Variants in RBMS3 observed in about 807,000 individuals in gnomAD.
RBMS3 encodes RNA binding motif single stranded interacting protein 3, also known as RNA-binding motif, single-stranded-interacting protein 3.
Under a neutral mutation model 66.8 loss-of-function variants are expected in RBMS3, and 27 were observed. That is an observed-to-expected ratio of 0.40 (90% CI 0.30 to 0.56). The LOEUF is 0.56. Ranked by LOEUF, RBMS3 falls within the 20% of genes least tolerant of loss-of-function variation. RBMS3 has a pLI of 0.40. For synonymous variants in RBMS3, 188 were observed against 183.0 expected (o/e 1.03, Z -0.22); for missense variants, 513 against 549.5 (o/e 0.93, Z 0.66).
intron 1 of RBMS3, among the ~76,000 whole-genome samples, chr3:29,341,676 C>G (rs958798467): frequency 4.6e-5 from 7 of 152,122 alleles, no homozygotes; most frequent in Non-Finnish European, 7.4e-5. Flanking sequence ...CCCTAGACCT[C>G]CACTTGGCTT....
At chr3:29,321,729 C>T (rs2035016954) in intron 1 of RBMS3, among the ~76,000 whole-genome samples, 1 of 152,026 alleles carries the variant, frequency 6.6e-6, no homozygotes, top group Admixed American at 6.6e-5. Flanking sequence ...TAATAAATTA[C>T]AAGACCAAAA....
At chr3:29,831,351 C>A (rs1217512609) in intron 6 of RBMS3, among the ~76,000 whole-genome samples, 1 of 152,068 alleles carries the variant, frequency 6.6e-6, no homozygotes, top group African/African-American at 2.4e-5. Flanking sequence ...GTCATTGTCC[C>A]ACATGGTGGG....
intron 1 of RBMS3, among the ~76,000 whole-genome samples, chr3:29,317,237 G>A (rs1333321161): frequency 1.3e-5 from 2 of 151,752 alleles, no homozygotes; most frequent in African/African-American, 4.8e-5. Context: ...GGTAAACCAA[G>A]CTATGATAGA....
rs1284732260 is a variant in RBMS3 at position 30,004,145 on chromosome 3, G to C, written c.*283G>C. On this transcript the variant is annotated 3_prime_UTR_variant, in exon 15 of 15. Transcript: ENST00000383767. Reference sequence around the variant, plus strand: ...AAACTACAAAAAACAAAACATTGAAGGTTGATATTTTATGTGGAAGAACAT... The same window carrying C: ...AAACTACAAAAAACAAAACATTGAACGTTGATATTTTATGTGGAAGAACAT... 3.7e-6 allele frequency: 1 copy of C among 271,240 alleles called. No individual in the cohort carries two copies. The highest frequency in any genetic ancestry group is 6.8e-6 in the Non-Finnish European group (1 of 146,900). The allele number at this position is 271,240 out of a possible 1,614,324, so 16.8% of individuals were successfully genotyped here. A position where few individuals can be genotyped will look rare whatever the true frequency, so the allele number is the denominator to read the frequency against.
At chr3:29,844,622 T>A (rs1186677211) in intron 6 of RBMS3, among the ~76,000 whole-genome samples, 1 of 152,216 alleles carries the variant, frequency 6.6e-6, no homozygotes, top group Non-Finnish European at 1.5e-5. Context: ...TTAATGGGAC[T>A]GAACACAGTC....
At chr3:29,741,763 G>GGA (rs1559625443) in intron 5 of RBMS3, among the ~76,000 whole-genome samples, 2 of 152,164 alleles carry the variant, frequency 1.3e-5, no homozygotes, top group African/African-American at 4.8e-5. Flanking sequence ...GAGGCTAGAA[G>GGA]TCAGAGGTCA....
chr3:29,996,239 C>A (rs1319322892), intron 14 of RBMS3, among the ~76,000 whole-genome samples: 8 of 151,584 alleles, frequency 5.3e-5, no homozygotes, highest in African/African-American at 1.9e-4. Flanking sequence ...ATATATGCAC[C>A]CAATACAGGA....
At chr3:29,466,311 C>G (rs186767386) in intron 2 of RBMS3, among the ~76,000 whole-genome samples, 2 of 152,166 alleles carry the variant, frequency 1.3e-5, no homozygotes, top group Admixed American at 6.5e-5. Context: ...CTATGAAAAG[C>G]AGGGTTCAGC....
chr3:29,462,235 C>A (rs1016674027), intron 2 of RBMS3, among the ~76,000 whole-genome samples: 1 of 152,170 alleles, frequency 6.6e-6, no homozygotes, highest in Non-Finnish European at 1.5e-5. Context: ...AATCTAATTT[C>A]TCTACAGACC....
At chr3:29,895,852 G>A (rs2149600394) in intron 8 of RBMS3, among the ~76,000 whole-genome samples, 1 of 151,156 alleles carries the variant, frequency 6.6e-6, no homozygotes, top group East Asian at 2.0e-4. Context: ...CACTAACATT[G>A]AATGAGAATT....
chr3:29,351,290 A>G (rs1345139133), intron 1 of RBMS3, among the ~76,000 whole-genome samples: 1 of 152,186 alleles, frequency 6.6e-6, no homozygotes, highest in Non-Finnish European at 1.5e-5. Context: ...GAGTTGCTGT[A>G]TTACATCAAA....
At chr3:29,970,870 T>G (rs1697184582) in intron 12 of RBMS3, among the ~76,000 whole-genome samples, 1 of 152,238 alleles carries the variant, frequency 6.6e-6, no homozygotes, top group African/African-American at 2.4e-5. Flanking sequence ...TAACTTCAAC[T>G]TGAATATAAA....
intron 6 of RBMS3, among the ~76,000 whole-genome samples, chr3:29,843,386 G>A (rs983795203): frequency 1.3e-5 from 2 of 152,114 alleles, no homozygotes; most frequent in African/African-American, 4.8e-5. Flanking sequence ...AGCAATGCAG[G>A]ATTTCAGTGA....
intron 1 of RBMS3, among the ~76,000 whole-genome samples, chr3:29,313,691 T>G (rs982000429): frequency 6.6e-6 from 1 of 151,690 alleles, no homozygotes; most frequent in Non-Finnish European, 1.5e-5. Flanking sequence ...GACTTCAGGT[T>G]GTCAATATTT....
intron 4 of RBMS3, among the ~76,000 whole-genome samples, chr3:29,592,823 C>T (rs896115841): frequency 6.6e-6 from 1 of 151,898 alleles, no homozygotes; most frequent in Non-Finnish European, 1.5e-5. Context: ...GAATACTATG[C>T]AGCCATAAAA....
intron 3 of RBMS3, among the ~76,000 whole-genome samples, chr3:29,539,823 A>G (rs1357415649): frequency 6.6e-6 from 1 of 152,228 alleles, no homozygotes; most frequent in East Asian, 1.9e-4. Context: ...ATTCAGTTAT[A>G]TTCACTAATA....
intron 4 of RBMS3, among the ~76,000 whole-genome samples, chr3:29,687,792 T>C (rs2051797954): frequency 6.6e-6 from 1 of 152,188 alleles, no homozygotes; most frequent in Admixed American, 6.5e-5. Flanking sequence ...AATTGTGACT[T>C]GCTAGACATA....
rs977068924 is a variant in RBMS3 at position 29,980,205 on chromosome 3, CAT to C, written c.1099-7935_1099-7934del. Among the ~76,000 whole-genome samples, 138 of 152,038 alleles carry C rather than the reference CAT, an allele frequency of 9.1e-4. 2 individuals carry two copies. Among genetic ancestry groups the C allele is most frequent in the African/African-American group, 3.2e-3 (133 of 41,476 alleles). ...GATCAGTGATGATGAGCTTTTTTTTCATATGTTTGTTGGCCACACAAATGTCT... is the reference window on the plus strand; with the variant it reads ...GATCAGTGATGATGAGCTTTTTTTTCATGTTTGTTGGCCACACAAATGTCT... On this transcript the variant is annotated intron_variant, in intron 12 of 14. Coordinates refer to ENST00000383767, the MANE Select transcript of RBMS3 (RefSeq NM_001003793.3).
chr3:29,592,610 A>C (rs1409993133), intron 4 of RBMS3, among the ~76,000 whole-genome samples: 1 of 152,178 alleles, frequency 6.6e-6, no homozygotes, highest in Non-Finnish European at 1.5e-5. Context: ...TGATTCCTCA[A>C]GGATCTAGAA....
Sources: allele counts gnomAD v4.1 joint callset (sites outside exome capture counted in the v4.1 genomes callset), GRCh38; gene constraint gnomAD v4.1.1; transcripts MANE v1.5; gene names NCBI Gene and HGNC (gene_info 2026-07-23, HGNC 2026-07-21).